HEATR5B: variants seen among roughly 807,000 people sequenced by gnomAD.
HEATR5B encodes the protein HEAT repeat-containing protein 5B.
Under a neutral mutation model 224.1 loss-of-function variants are expected in HEATR5B, and 156 were observed. That is an observed-to-expected ratio of 0.70 (90% CI 0.61 to 0.80). HEATR5B has a LOEUF of 0.80. Among genes scored for constraint, HEATR5B ranks in the 30% least tolerant of loss-of-function variants. HEATR5B has a pLI of 0.00. For missense variants in HEATR5B, 2,323 were observed against 2,535.5 expected, an observed-to-expected ratio of 0.92 and a Z score of 1.80; for synonymous variants, 1,027 against 893.0, an observed-to-expected ratio of 1.15 and a Z score of -2.68.
intron 33 of HEATR5B, among the ~76,000 whole-genome samples, chr2:36,998,792 CAG>C (rs1393900980): frequency 1.3e-5 from 2 of 151,914 alleles, no homozygotes; most frequent in African/African-American, 2.4e-5. Context: ...AATTTTAAAA[CAG>C]AAATATATAT....
intron 35 of HEATR5B, among the ~76,000 whole-genome samples, chr2:36,983,708 AC>A (rs1460301736): frequency 5.3e-5 from 8 of 152,092 alleles, no homozygotes; most frequent in Non-Finnish European, 8.8e-5. Flanking sequence ...AGCATGGGCG[AC>A]AAAGCGAGAC....
chr2:37,079,126 G>A lies in HEATR5B; in HGVS notation c.332C>T (p.Thr111Ile). 6.3e-7 allele frequency: 1 copy of A among 1,579,810 alleles called. No homozygotes were observed. The highest frequency in any genetic ancestry group is 8.7e-7 in the Non-Finnish European group (1 of 1,154,332). ...TATTAAAGTAAGTACTTACAATTTT[G>A]TTGGTAAGTAGGCCGCAGTGTCATC... is the stretch of plus-strand genomic sequence containing the variant. ...NKDDTAAYLP[T>I]KLAAVACVGA... Residue 111 changes from threonine to isoleucine, a missense_variant, in exon 3 of 36, where the codon ACA (threonine) becomes ATA (isoleucine). Thr to Ile is a moderately conservative substitution (Grantham distance 89, BLOSUM62 -1). This residue lies in a region of HEATR5B where 292 missense variants were observed against 332.6 expected (regional missense o/e 0.88). Coordinates refer to ENST00000233099, the MANE Select transcript of HEATR5B (RefSeq NM_019024.3).
Position 37,008,803 on chromosome 2 carries a change from G to GT in HEATR5B, c.4329dup (p.Pro1444ThrfsTer6). On this transcript the variant is annotated frameshift_variant, in exon 28 of 36. Transcript: ENST00000233099. LOFTEE classifies it high-confidence loss of function. ...TCAGTATTTTTAATTGCTCTTTTTGGTTTTGACTCTGCTTCCTTTTTAATA... is the reference window on the plus strand; with the variant it reads ...TCAGTATTTTTAATTGCTCTTTTTGGTTTTTGACTCTGCTTCCTTTTTAATA... The GT allele has an allele frequency of 6.2e-7, 1 of 1,613,764 alleles. No homozygotes were observed. Among genetic ancestry groups the GT allele is most frequent in the Non-Finnish European group, 8.5e-7 (1 of 1,179,874 alleles).
intron 18 of HEATR5B, among the ~76,000 whole-genome samples, chr2:37,042,945 G>C (rs1669966286): frequency 6.7e-6 from 1 of 149,622 alleles, no homozygotes; most frequent in Admixed American, 6.7e-5. Context: ...GAAGCCCAAA[G>C]CTGAAGACCA....
intron 27 of HEATR5B, among the ~76,000 whole-genome samples, chr2:37,009,256 C>CAAAA (rs57022846): frequency 1.2e-4 from 8 of 65,624 alleles, no homozygotes; most frequent in Admixed American, 1.8e-4. Flanking sequence ...GACTCTGTCT[C>CAAAA]AAAAAAAAAA....
chr2:37,082,689 T>C (rs1267299996), intron 2 of HEATR5B, among the ~76,000 whole-genome samples: 1 of 152,252 alleles, frequency 6.6e-6, no homozygotes, highest in Non-Finnish European at 1.5e-5. Context: ...AGGGATACTT[T>C]TAGCTAATCG....
intron 18 of HEATR5B, among the ~76,000 whole-genome samples, chr2:37,048,253 TGGC>T (rs1407852873): frequency 6.6e-6 from 1 of 151,896 alleles, no homozygotes; most frequent in Non-Finnish European, 1.5e-5. Flanking sequence ...GGCATGATCT[TGGC>T]TCACTGCAAC....
At chr2:37,057,884 A>C in intron 14 of HEATR5B, among the ~76,000 whole-genome samples, 1 of 152,332 alleles carries the variant, frequency 6.6e-6, no homozygotes, top group East Asian at 1.9e-4. Flanking sequence ...TAAATATATT[A>C]AATGTGATAT....
chr2:37,071,093 T>A (rs1229500060), intron 6 of HEATR5B, among the ~76,000 whole-genome samples: 1 of 152,172 alleles, frequency 6.6e-6, no homozygotes, highest in Non-Finnish European at 1.5e-5. Context: ...ATACACTTAA[T>A]TCAGTGCCTG....
chr2:37,077,420 T>C (rs1331514865), intron 3 of HEATR5B, among the ~76,000 whole-genome samples: 1 of 152,198 alleles, frequency 6.6e-6, no homozygotes, highest in Non-Finnish European at 1.5e-5. Flanking sequence ...GCCATTCTCC[T>C]GCCTCAGCTT....
In HEATR5B at chr2:36,995,063, G is replaced by T. The variant is rs373532571; in HGVS notation, c.5546-4264C>A. On this transcript the variant is annotated intron_variant, in intron 33 of 35. Transcript: ENST00000233099. ...CTGCGCCCAGCCACAAATTCTCAAC[G>T]ATTTCTTCGTCTTGTTATTCCTTGT... Among the ~76,000 whole-genome samples the T allele has an allele frequency of 3.5e-5, 5 of 142,418 alleles. No homozygotes were observed. The East Asian group carries it at 8.2e-4, about 23-fold the overall frequency. 93.4% of individuals were successfully genotyped at this position (142,418 alleles called of 152,430 possible). A position where few individuals can be genotyped will look rare whatever the true frequency, so the allele number is the denominator to read the frequency against.
intron 34 of HEATR5B, 67 bp from the exon 35 acceptor site, chr2:36,988,926 C>T (rs1666133107): frequency 4.3e-6 from 5 of 1,166,420 alleles, no homozygotes; most frequent in Admixed American, 1.9e-5. Context: ...AATCACATTG[C>T]ATCTTACTAT....
chr2:37,028,017 A>G lies in HEATR5B; in HGVS notation c.3759T>C (p.Asp1253=). Residue 1253 remains aspartate (D), a synonymous_variant, in exon 24 of 36, where the codon GAT becomes GAC. Coordinates refer to ENST00000233099, the MANE Select transcript of HEATR5B (RefSeq NM_019024.3). ...ACAAATTGATGATTCGACACAGGCA[A>G]TCGGCAGCAAATACTCGAGTGGCCC... ...PRWATRVFAA[D]CLCRIINLCE... is the part of the protein sequence containing the mutation. The G allele has an allele frequency of 6.2e-7, 1 of 1,614,192 alleles. No homozygotes were observed. Among genetic ancestry groups the G allele is most frequent in the Non-Finnish European group, 8.5e-7 (1 of 1,180,008 alleles).
intron 2 of HEATR5B, among the ~76,000 whole-genome samples, chr2:37,082,065 T>TG: frequency 1.2e-5 from 1 of 86,508 alleles, no homozygotes; most frequent in Non-Finnish European, 2.4e-5. Flanking sequence ...TTTTTTTTTT[T>TG]TTTTTTTTTT....
rs1340074552 is a variant in HEATR5B, at chr2:37,028,019, C to G, written c.3757G>C (p.Asp1253His). 1 of 1,613,996 alleles carries G rather than the reference C, an allele frequency of 6.2e-7. No homozygotes were observed. The highest frequency in any genetic ancestry group is 1.7e-5 in the Admixed American group (1 of 59,996). Residue 1253 changes from aspartate (D) to histidine (H), a missense_variant, in exon 24 of 36, where the codon GAT (aspartate) becomes CAT (histidine). Asp to His is a moderately conservative substitution (Grantham distance 81, BLOSUM62 -1). Transcript: ENST00000233099. The stretch of plus-strand genomic sequence containing the variant: ...AAATTGATGATTCGACACAGGCAAT[C>G]GGCAGCAAATACTCGAGTGGCCCAG... ...PRWATRVFAADCLCRIINLCE... is the reference protein window; with the variant it reads ...PRWATRVFAAHCLCRIINLCE...
intron 26 of HEATR5B, 99 bp downstream of exon 26, chr2:37,019,710 G>T: frequency 1.3e-6 from 1 of 777,586 alleles, no homozygotes; most frequent in Non-Finnish European, 2.1e-6. Context: ...TCCCATGTTG[G>T]TCTCCCAAAT....
At chr2:37,004,647 T>A (rs1402375119) in intron 30 of HEATR5B, among the ~76,000 whole-genome samples, 1 of 152,092 alleles carries the variant, frequency 6.6e-6, no homozygotes, top group South Asian at 2.1e-4. Flanking sequence ...CTCATTTCTG[T>A]GCTTATTTAC....
At chr2:36,989,585 A>G (rs890391118) in intron 34 of HEATR5B, among the ~76,000 whole-genome samples, 2 of 152,196 alleles carry the variant, frequency 1.3e-5, no homozygotes, top group African/African-American at 4.8e-5. Context: ...TTCCCTGGAA[A>G]TGACTGTTAA....
At chr2:36,995,093 T>C in intron 33 of HEATR5B, among the ~76,000 whole-genome samples, 2 of 140,852 alleles carry the variant, frequency 1.4e-5, no homozygotes, top group East Asian at 2.0e-4. Context: ...CCTTGTTTTT[T>C]TTTTTTTTTT....
Sources: allele counts gnomAD v4.1 joint callset (sites outside exome capture counted in the v4.1 genomes callset), GRCh38; gene constraint gnomAD v4.1.1; regional missense constraint gnomAD v4.1.1; transcripts MANE v1.5; gene names NCBI Gene and HGNC (gene_info 2026-07-23, HGNC 2026-07-21).